Variants in EPB41L2 observed in about 807,000 individuals in gnomAD.
The protein encoded by EPB41L2 is band 4.1-like protein 2.
EPB41L2 carries 43 observed loss-of-function variants against 113.0 expected under a neutral mutation model. That is an observed-to-expected ratio of 0.38 (90% CI 0.30 to 0.49). The LOEUF is 0.49. Ranked by LOEUF, EPB41L2 falls within the 20% of genes least tolerant of loss-of-function variation. The pLI is 0.95. For synonymous variants in EPB41L2, 442 were observed against 436.7 expected, an observed-to-expected ratio of 1.01 and a Z score of -0.15; for missense variants, 1,147 against 1,223.4, an observed-to-expected ratio of 0.94 and a Z score of 0.93.
chr6:130,896,073 T>G (rs1583191627), intron 8 of EPB41L2, among the ~76,000 whole-genome samples: 1 of 152,174 alleles, frequency 6.6e-6, no homozygotes, highest in East Asian at 1.9e-4. Context: ...TCACAAAAAA[T>G]GTTGCAACAA....
At chr6:130,993,161 A>C (rs1322750609) in intron 1 of EPB41L2, among the ~76,000 whole-genome samples, 1 of 152,208 alleles carries the variant, frequency 6.6e-6, no homozygotes, top group African/African-American at 2.4e-5. Flanking sequence ...TATTACAATT[A>C]AATATTTGAT....
At chr6:131,036,200 G>A (rs945285534) in intron 1 of EPB41L2, among the ~76,000 whole-genome samples, 2 of 152,082 alleles carry the variant, frequency 1.3e-5, no homozygotes, top group African/African-American at 4.8e-5. Flanking sequence ...AGTGAAAGGA[G>A]GAAGGAATTC....
chr6:130,909,707 T>C (rs1275469617), intron 4 of EPB41L2, among the ~76,000 whole-genome samples: 2 of 152,182 alleles, frequency 1.3e-5, no homozygotes, highest in South Asian at 2.1e-4. Flanking sequence ...ACAAAATCAA[T>C]GTGCGAAAAT....
At chr6:131,003,268 T>C (rs1276024607) in intron 1 of EPB41L2, among the ~76,000 whole-genome samples, 1 of 152,254 alleles carries the variant, frequency 6.6e-6, no homozygotes, top group African/African-American at 2.4e-5. Flanking sequence ...ATTTATTCCA[T>C]AAGCCATGAA....
At chr6:130,940,563 T>TCA (rs1810472121) in intron 3 of EPB41L2, among the ~76,000 whole-genome samples, 1 of 151,766 alleles carries the variant, frequency 6.6e-6, no homozygotes, top group Non-Finnish European at 1.5e-5. Context: ...CCTCCTGGGT[T>TCA]CAAGCAATTC....
rs560180193 is a variant in EPB41L2 at position 130,924,675 on chromosome 6, C to T, written c.810+1930G>A. On this transcript the variant is annotated intron_variant, in intron 4 of 19. Transcript: ENST00000337057. ...GATTACAGGTGTGAGCCACCATGCC[C>T]GGCCACTAGTTCTATTTTTAATTTT... Among the ~76,000 whole-genome samples the T allele has an allele frequency of 1.9e-3, 286 of 152,202 alleles. 1 individual carries two copies. The highest frequency in any genetic ancestry group is 2.2e-3 in the Admixed American group (34 of 15,282).
At chr6:131,023,733 ATATATC>A (rs1265498877) in intron 1 of EPB41L2, among the ~76,000 whole-genome samples, 30 of 87,932 alleles carry the variant, frequency 3.4e-4, no homozygotes, top group South Asian at 6.7e-4. Context: ...GTGTGTGTAT[ATATATC>A]TATATATCTA....
At chr6:130,944,021 A>G (rs1262899657) in intron 3 of EPB41L2, among the ~76,000 whole-genome samples, 2 of 152,234 alleles carry the variant, frequency 1.3e-5, no homozygotes, top group African/African-American at 2.4e-5. Context: ...TTGTAGAAAC[A>G]TAATAGTTTT....
chr6:130,843,127 T>C (rs1776018277), intron 19 of EPB41L2, among the ~76,000 whole-genome samples: 1 of 152,220 alleles, frequency 6.6e-6, no homozygotes, highest in African/African-American at 2.4e-5. Flanking sequence ...CTTATCTTTT[T>C]TGACTGTTTC....
rs544149879 is a variant in EPB41L2, at chr6:130,917,827, C to T, written c.810+8778G>A. Among the ~76,000 whole-genome samples the T allele has an allele frequency of 2.0e-5, 3 of 152,290 alleles. No individual in the cohort carries two copies. In the East Asian group the frequency reaches 5.8e-4, roughly 29 times the overall value. On this transcript the variant is annotated intron_variant, in intron 4 of 19. Transcript: ENST00000337057. ...TCCTTTAAGTTAGACCCTAAGACCC[C>T]AGAGTTCGAAGTTTCTCAAATGCCT...
intron 1 of EPB41L2, among the ~76,000 whole-genome samples, chr6:131,060,398 T>G (rs1798426072): frequency 6.6e-6 from 1 of 152,242 alleles, no homozygotes; most frequent in South Asian, 2.1e-4. Flanking sequence ...CAATAAATAT[T>G]TTGGTTGTGG....
At chr6:130,899,139 G>A (rs1418724726) in intron 8 of EPB41L2, among the ~76,000 whole-genome samples, 3 of 152,058 alleles carry the variant, frequency 2.0e-5, no homozygotes, top group East Asian at 1.9e-4. Context: ...CAAGACAGAG[G>A]TGGGAGAGGG....
In EPB41L2 at chr6:130,912,391, A is replaced by G. The variant is rs1799692424; in HGVS notation, c.811-3528T>C. On this transcript the variant is annotated intron_variant, in intron 4 of 19. Transcript: ENST00000337057. ...AACTGACACTATTAAAAAGTAAAAC[A>G]GTAAGATGCTGTGAAAGCAGAGCCG... Among the ~76,000 whole-genome samples, 4 of 152,244 alleles carry G rather than the reference A, an allele frequency of 2.6e-5. 1 individual carries two copies. The South Asian group carries it at 8.3e-4, about 32-fold the overall frequency.
chr6:130,871,609 G>T (rs1785706398), intron 14 of EPB41L2, among the ~76,000 whole-genome samples: 1 of 152,148 alleles, frequency 6.6e-6, no homozygotes, highest in Non-Finnish European at 1.5e-5. Flanking sequence ...TCTTGGACCT[G>T]CCCTATTATT....
intron 14 of EPB41L2, among the ~76,000 whole-genome samples, chr6:130,874,475 T>C (rs1052446087): frequency 6.6e-6 from 1 of 152,140 alleles, no homozygotes; most frequent in African/African-American, 2.4e-5. Flanking sequence ...AAAGGTACTC[T>C]GGTAAAGTCA....
intron 1 of EPB41L2, among the ~76,000 whole-genome samples, chr6:131,000,406 C>T (rs888963289): frequency 3.3e-5 from 5 of 151,512 alleles, no homozygotes; most frequent in South Asian, 2.1e-4. Context: ...AATGGTTACA[C>T]ATAACTTTTA....
In EPB41L2 at chr6:130,863,705, C is replaced by G; in HGVS notation, c.2843G>C (p.Gly948Ala). ...TTTCTCAATTCTTGTTTCAGAAATT[C>G]CACCTTTTACAGTCTAAAGGTCATA... ...TTHITKTVKG[G>A]ISETRIEKRI... Residue 948 changes from glycine (G) to alanine (A), a missense_variant, in exon 18 of 20, where the codon GGA becomes GCA. Physicochemically the swap from Gly to Ala is moderately conservative, Grantham distance 60. Coordinates refer to ENST00000337057, the MANE Select transcript of EPB41L2 (RefSeq NM_001431.4). The G allele has an allele frequency of 6.2e-7, 1 of 1,612,964 alleles. No individual in the cohort carries two copies. The highest frequency in any genetic ancestry group is 8.5e-7 in the Non-Finnish European group (1 of 1,179,058).
At chr6:130,866,445 C>G (rs538929408) in intron 16 of EPB41L2, among the ~76,000 whole-genome samples, 2 of 152,302 alleles carry the variant, frequency 1.3e-5, no homozygotes, top group African/African-American at 4.8e-5. Flanking sequence ...GAGGAAATCT[C>G]TTTCAAACTT....
At chr6:130,969,978 G>A (rs556375260) in intron 1 of EPB41L2, among the ~76,000 whole-genome samples, 4 of 152,108 alleles carry the variant, frequency 2.6e-5, no homozygotes, top group Non-Finnish European at 2.9e-5. Context: ...AAGATAGCCT[G>A]ACAAAAGTCA....
Sources: gnomAD v4.1 joint callset for allele counts (sites outside exome capture counted in the v4.1 genomes callset) on GRCh38, gnomAD v4.1.1 for gene constraint, MANE v1.5 for transcripts, NCBI Gene and HGNC (gene_info 2026-07-23, HGNC 2026-07-21) for gene names.